Variants in HDAC9 observed in about 807,000 individuals in gnomAD.
HDAC9 encodes histone deacetylase 9.
HDAC9 carries 41 observed loss-of-function variants against 139.4 expected under a neutral mutation model. The ratio of observed to expected loss-of-function variants is 0.29; its 90% confidence interval spans 0.23 to 0.38. The LOEUF (loss-of-function observed/expected upper bound fraction) is 0.38, where lower values mean the gene tolerates loss of function less well. Ranked by LOEUF, HDAC9 falls within the 10% of genes least tolerant of loss-of-function variation. The pLI, the probability that HDAC9 is intolerant of heterozygous loss-of-function variation, is 1.00. For missense variants in HDAC9, 1,147 were observed against 1,297.0 expected (o/e 0.88, Z 1.78); for synonymous variants, 517 against 476.2 (o/e 1.09, Z -1.12).
chr7:18,340,784 AT>A (rs937445502), intron 1 of HDAC9, among the ~76,000 whole-genome samples: 1 of 151,406 alleles, frequency 6.6e-6, no homozygotes, highest in African/African-American at 2.4e-5. Context: ...AAAAATGTTT[AT>A]TTTTTCATAT....
chr7:18,278,712 G>C (rs1290876119), intron 2 of HDAC9, among the ~76,000 whole-genome samples: 1 of 151,998 alleles, frequency 6.6e-6, no homozygotes, highest in East Asian at 1.9e-4. Context: ...TAAAATATCA[G>C]GAATTTTCTG....
chr7:18,845,148 CAATT>C (rs1003153165), intron 21 of HDAC9, among the ~76,000 whole-genome samples: 6 of 151,878 alleles, frequency 4.0e-5, no homozygotes, highest in Non-Finnish European at 7.4e-5. Context: ...GAGGGTGTGA[CAATT>C]AATACAAATC....
At chr7:18,994,992 G>C (rs150192491) in intron 25 of HDAC9, among the ~76,000 whole-genome samples, 72 of 152,292 alleles carry the variant, frequency 4.7e-4, no homozygotes, top group African/African-American at 1.7e-3. Flanking sequence ...CTCTGCATTT[G>C]TGTGGCAACA....
At chr7:18,661,731 A>G (rs557920732) in intron 11 of HDAC9, among the ~76,000 whole-genome samples, 1 of 152,272 alleles carries the variant, frequency 6.6e-6, no homozygotes, top group South Asian at 2.1e-4. Flanking sequence ...CCATGAAGGA[A>G]TTCTGCTCTT....
intron 2 of HDAC9, among the ~76,000 whole-genome samples, chr7:18,226,894 C>G (rs1412385239): frequency 1.3e-5 from 2 of 152,024 alleles, no homozygotes. Context: ...TGAAGGGTTT[C>G]AAATAGAGCG....
At chr7:18,368,266 A>G (rs7809625) in intron 1 of HDAC9, among the ~76,000 whole-genome samples, 30,789 of 151,856 alleles carry the variant, frequency 0.2, 3,291 homozygotes, top group Admixed American at 0.23. Flanking sequence ...ATTTTATTCT[A>G]AGATGAAAGT....
At chr7:18,968,076 C>A (rs957533027) in intron 24 of HDAC9, among the ~76,000 whole-genome samples, 3 of 152,010 alleles carry the variant, frequency 2.0e-5, no homozygotes, top group Non-Finnish European at 2.9e-5. Flanking sequence ...GCAAGAGAAT[C>A]GCTTGAACCC....
chr7:18,816,561 T>C (rs1794576010), intron 17 of HDAC9, among the ~76,000 whole-genome samples: 1 of 152,210 alleles, frequency 6.6e-6, no homozygotes, highest in Non-Finnish European at 1.5e-5. Flanking sequence ...TCGGAGCCAA[T>C]TGTTGCACAA....
intron 2 of HDAC9, among the ~76,000 whole-genome samples, chr7:18,174,574 C>G (rs1313073735): frequency 6.6e-6 from 1 of 152,190 alleles, no homozygotes; most frequent in African/African-American, 2.4e-5. Context: ...TGGTTTCTCC[C>G]TATCTTTGTG....
intron 1 of HDAC9, among the ~76,000 whole-genome samples, chr7:18,462,305 T>C (rs1045917280): frequency 6.6e-6 from 1 of 152,064 alleles, no homozygotes; most frequent in Non-Finnish European, 1.5e-5. Context: ...CCACTCTTCA[T>C]AGAACTGTTT....
At chr7:18,175,131 C>A (rs936028351) in intron 2 of HDAC9, among the ~76,000 whole-genome samples, 4 of 152,202 alleles carry the variant, frequency 2.6e-5, no homozygotes, top group African/African-American at 9.7e-5. Context: ...GCTTCCTGAG[C>A]ACTTTGTTTA....
At chr7:18,197,629 G>A (rs1305856774) in intron 2 of HDAC9, among the ~76,000 whole-genome samples, 2 of 152,132 alleles carry the variant, frequency 1.3e-5, no homozygotes, top group African/African-American at 4.8e-5. Flanking sequence ...GAATTATGGG[G>A]CTAGAGGAGA....
intron 1 of HDAC9, among the ~76,000 whole-genome samples, chr7:18,331,690 A>T (rs769062455): frequency 2.0e-5 from 3 of 151,684 alleles, no homozygotes; most frequent in Non-Finnish European, 3.0e-5. Flanking sequence ...ATATTAGAAT[A>T]ATGATTATCT....
intron 1 of HDAC9, among the ~76,000 whole-genome samples, chr7:18,338,617 A>G (rs1335637679): frequency 6.6e-6 from 1 of 151,590 alleles, no homozygotes; most frequent in Non-Finnish European, 1.5e-5. Context: ...TTTTCAGATG[A>G]TAAATCAATC....
In HDAC9 at chr7:18,437,069, A is replaced by C. The variant is rs1490946920; in HGVS notation, c.-41-59193A>C. On this transcript the variant is annotated intron_variant, in intron 1 of 3. Coordinates refer to the HDAC9 transcript ENST00000413509. ...AATTTCCTCACAGCACTAGCAGTCCAGTATCAGGTTTTCTGAGCTGATTTT... is the reference window on the plus strand; with the variant it reads ...AATTTCCTCACAGCACTAGCAGTCCCGTATCAGGTTTTCTGAGCTGATTTT... Among the ~76,000 whole-genome samples the C allele has an allele frequency of 2.6e-5, 4 of 152,324 alleles. No individual in the cohort carries two copies. The East Asian group carries it at 7.7e-4, about 29-fold the overall frequency.
At chr7:18,682,590 C>G (rs1289491248) in intron 12 of HDAC9, among the ~76,000 whole-genome samples, 1 of 152,050 alleles carries the variant, frequency 6.6e-6, no homozygotes, top group South Asian at 2.1e-4. Context: ...ATAGCCATGG[C>G]AGAAATGCAG....
At chr7:18,866,827 C>G (rs1798536273) in intron 21 of HDAC9, among the ~76,000 whole-genome samples, 1 of 152,126 alleles carries the variant, frequency 6.6e-6, no homozygotes, top group South Asian at 2.1e-4. Context: ...TCAGCACATG[C>G]TGGGGTGAGT....
At chr7:18,508,772 A>T (rs1050257725) in intron 2 of HDAC9, among the ~76,000 whole-genome samples, 1 of 152,348 alleles carries the variant, frequency 6.6e-6, no homozygotes, top group Admixed American at 6.5e-5. Context: ...TCTCATAAAC[A>T]CAATATTGCA....
intron 21 of HDAC9, among the ~76,000 whole-genome samples, chr7:18,839,733 T>C (rs1436360068): frequency 6.6e-6 from 1 of 152,088 alleles, no homozygotes; most frequent in Non-Finnish European, 1.5e-5. Context: ...TGAACAAATC[T>C]TTTGCTGAAT....
Sources: gnomAD v4.1 joint callset for allele counts (sites outside exome capture counted in the v4.1 genomes callset) on GRCh38, gnomAD v4.1.1 for gene constraint, MANE v1.5 for transcripts, NCBI Gene and HGNC (gene_info 2026-07-23, HGNC 2026-07-21) for gene names.